PTER: variants seen among roughly 807,000 people sequenced by gnomAD.
PTER encodes the protein phosphotriesterase related.
In PTER, 38 loss-of-function variants were observed where a neutral mutation model predicts 29.6. The ratio of observed to expected loss-of-function variants is 1.28; its 90% CI spans 0.99 to 1.68. The LOEUF (loss-of-function observed/expected upper bound fraction) is 1.68. Ranked by LOEUF, PTER falls within the 40% of genes most tolerant of loss-of-function variation. The pLI, the probability that PTER is intolerant of heterozygous loss-of-function variation, is 0.00. For synonymous variants in PTER, 172 were observed against 154.5 expected (o/e 1.11, Z -0.84); for missense variants, 482 against 427.8 (o/e 1.13, Z -1.12).
At chr10:16,468,179 T>C (rs1834911090) in intron 1 of PTER, among the ~76,000 whole-genome samples, 1 of 152,062 alleles carries the variant, frequency 6.6e-6, no homozygotes, top group African/African-American at 2.4e-5. Flanking sequence ...CCGTCTCTAC[T>C]AAAAATACAA....
At chr10:16,466,274 G>A (rs1414324034) in intron 1 of PTER, among the ~76,000 whole-genome samples, 2 of 150,728 alleles carry the variant, frequency 1.3e-5, no homozygotes, top group Non-Finnish European at 2.9e-5. Context: ...GCTAGTGGCT[G>A]TCAGACCTTT....
chr10:16,482,582 A>T (rs1835520863), intron 1 of PTER, among the ~76,000 whole-genome samples: 1 of 152,152 alleles, frequency 6.6e-6, no homozygotes, highest in South Asian at 2.1e-4. Flanking sequence ...GAAGGCTTTC[A>T]AGGGATATGG....
At chr10:16,445,573 A>G (rs1179579605) in intron 1 of PTER, among the ~76,000 whole-genome samples, 1 of 152,132 alleles carries the variant, frequency 6.6e-6, no homozygotes, top group Non-Finnish European at 1.5e-5. Flanking sequence ...CCTTTCTCCC[A>G]GTTAGCATTT....
chr10:16,443,744 C>T (rs553822008), intron 1 of PTER, among the ~76,000 whole-genome samples: 1 of 152,300 alleles, frequency 6.6e-6, no homozygotes, highest in African/African-American at 2.4e-5. Context: ...TTTGCTGTAA[C>T]AACTCGCACA....
At chr10:16,506,085 C>T (rs537613821) in intron 4 of PTER, among the ~76,000 whole-genome samples, 54 of 150,666 alleles carry the variant, frequency 3.6e-4, no homozygotes, top group Non-Finnish European at 3.8e-4. Flanking sequence ...AGTCTCAGGG[C>T]AGAAGGGCTT....
intron 1 of PTER, among the ~76,000 whole-genome samples, chr10:16,448,410 A>C (rs1050770660): frequency 4.6e-5 from 7 of 152,180 alleles, no homozygotes; most frequent in African/African-American, 1.7e-4. Context: ...AACACACGCA[A>C]ATGAGGAACG....
rs375554771 is a variant in PTER, at chr10:16,484,759, C to T, written c.375C>T (p.Ala125=). 93 of 1,613,670 alleles carry T rather than the reference C, an allele frequency of 5.8e-5. 1 individual carries two copies. In the East Asian group the frequency reaches 1.5e-3, roughly 26 times the overall value. ...CTGGCGTCCATATCATATCTGGAGC[C>T]GGGTTTTATGTGGATGCAACTCACT... is the stretch of plus-strand genomic sequence containing the variant. The part of the protein sequence containing the change: ...EETGVHIISG[A]GFYVDATHSS... The change falls in exon 2 of 5, where the codon GCC becomes GCT. Residue 125 remains alanine, a synonymous_variant. Coordinates refer to ENST00000535784, the MANE Select transcript of PTER (RefSeq NM_001261836.2).
intron 1 of PTER, among the ~76,000 whole-genome samples, chr10:16,473,431 T>C (rs1405099711): frequency 7.0e-6 from 1 of 142,024 alleles, no homozygotes; most frequent in Non-Finnish European, 1.5e-5. Context: ...TTAGTTCTCC[T>C]AGCGCTTGAA....
chr10:16,496,543 C>A (rs1047764591), intron 3 of PTER, among the ~76,000 whole-genome samples: 1 of 152,198 alleles, frequency 6.6e-6, no homozygotes, highest in Non-Finnish European at 1.5e-5. Context: ...GAATGCAATT[C>A]ACCAGGGGTT....
intron 3 of PTER, among the ~76,000 whole-genome samples, chr10:16,504,183 G>A (rs1269347696): frequency 9.9e-5 from 15 of 151,712 alleles, no homozygotes; most frequent in African/African-American, 3.6e-4. Context: ...GTGGTATTTT[G>A]GGGTTACCTT....
chr10:16,506,049 A>G lies in PTER; in HGVS notation c.839+889A>G, dbSNP rs1176653760. On this transcript the variant is annotated intron_variant, in intron 4 of 4. Coordinates refer to ENST00000535784, the MANE Select transcript of PTER (RefSeq NM_001261836.2). ...CAAAGTGATAACATGAGAGATATAT[A>G]TTCTTATGGAAGTCAGTAGAGAGGA... is the stretch of plus-strand genomic sequence containing the variant. Among the ~76,000 whole-genome samples the G allele has an allele frequency of 3.3e-5, 5 of 152,042 alleles. No individual in the cohort carries two copies. The Admixed American group carries it at 3.3e-4, about 10-fold the overall frequency.
At chr10:16,493,535 G>T (rs936571067) in intron 3 of PTER, among the ~76,000 whole-genome samples, 4 of 152,014 alleles carry the variant, frequency 2.6e-5, no homozygotes, top group Non-Finnish European at 4.4e-5. Flanking sequence ...CTCCCAAAAT[G>T]CTGGGGTTAC....
At chr10:16,486,228 A>T in intron 2 of PTER, 124 bp from the exon 3 acceptor site, 1 of 1,148,590 alleles carries the variant, frequency 8.7e-7, no homozygotes, top group Non-Finnish European at 1.2e-6. Flanking sequence ...ATTAATTGAT[A>T]AATACTGAAT....
intron 1 of PTER, chr10:16,437,334 CTT>C (rs67176246): frequency 0.097 from 13,375 of 138,120 alleles, 811 homozygotes; most frequent in East Asian, 0.21. Flanking sequence ...CTTTAATAAG[CTT>C]TTTTTTTTTT....
rs1408577953 is a variant in PTER, at chr10:16,484,445, G to T, written c.61G>T (p.Gly21Cys). ...GGGCCTTGTAGAGCCAAGCAAACTG[G>T]GCCGTACCCTGACCCATGAACACCT... ...VLGLVEPSKL[G>C]RTLTHEHLAM... The change falls in exon 2 of 5, where the codon GGC becomes TGC. Residue 21 changes from glycine to cysteine, a missense_variant. Gly to Cys is a radical substitution (Grantham distance 159). Transcript: ENST00000535784. 1 of 1,613,600 alleles carries T rather than the reference G, an allele frequency of 6.2e-7. No homozygotes were observed. The highest frequency in any genetic ancestry group is 8.5e-7 in the Non-Finnish European group (1 of 1,179,920).
chr10:16,508,593 G>A (rs563631595), intron 4 of PTER, among the ~76,000 whole-genome samples: 2 of 152,094 alleles, frequency 1.3e-5, no homozygotes, highest in South Asian at 4.1e-4. Flanking sequence ...TTCCTTCTTA[G>A]CTCCTTTTAG....
intron 1 of PTER, among the ~76,000 whole-genome samples, chr10:16,453,737 C>A (rs748959487): frequency 2.6e-5 from 4 of 152,188 alleles, no homozygotes; most frequent in Non-Finnish European, 5.9e-5. Context: ...ATGGTTTTCA[C>A]ATTCCTTGTA....
At chr10:16,480,339 A>G (rs10904749) in intron 1 of PTER, among the ~76,000 whole-genome samples, 88,679 of 151,176 alleles carry the variant, frequency 0.59, 27,014 homozygotes, top group East Asian at 0.79. Flanking sequence ...GTGATGACAG[A>G]CATGTGCCAC....
At chr10:16,445,884 T>C (rs1401530715) in intron 1 of PTER, among the ~76,000 whole-genome samples, 1 of 152,070 alleles carries the variant, frequency 6.6e-6, no homozygotes, top group East Asian at 1.9e-4. Flanking sequence ...CCTCTCAGCC[T>C]CCATATCTAG....
Sources: allele counts gnomAD v4.1 joint callset (sites outside exome capture counted in the v4.1 genomes callset), GRCh38; gene constraint gnomAD v4.1.1; transcripts MANE v1.5; gene names NCBI Gene and HGNC (gene_info 2026-07-23, HGNC 2026-07-21).